Variants in KIF17 observed in about 807,000 individuals in gnomAD.
The protein encoded by KIF17 is kinesin family member 17.
KIF17 carries 80 observed loss-of-function variants against 96.8 expected under a neutral mutation model. The observed-to-expected ratio is 0.83, with a 90% CI of 0.69 to 1.00. KIF17 has a LOEUF of 1.00. Among genes scored for constraint, KIF17 ranks in the 50% least tolerant of loss-of-function variants. The pLI is 0.00. For missense variants in KIF17, 1,280 were observed against 1,372.9 expected, an observed-to-expected ratio of 0.93 and a Z score of 1.07; for synonymous variants, 567 against 587.5, an observed-to-expected ratio of 0.97 and a Z score of 0.51.
chr1:20,713,586 C>A (rs10799661), intron 2 of KIF17, 31 bp from the exon 3 acceptor site: 1,105,740 of 1,546,390 alleles, frequency 0.72, 396,847 homozygotes, highest in East Asian at 0.87. Context: ...GAACCTAGAC[C>A]TCAGAGCTCG....
At chr1:20,707,292 A>C (rs112493862) in intron 4 of KIF17, among the ~76,000 whole-genome samples, 12 of 152,320 alleles carry the variant, frequency 7.9e-5, no homozygotes, top group Non-Finnish European at 1.5e-4. Context: ...CAGCACTGGG[A>C]AACTGGAAAC....
chr1:20,662,085 T>C (rs150052616), downstream of KIF17, among the ~76,000 whole-genome samples: 28 of 152,330 alleles, frequency 1.8e-4, 1 homozygote, highest in South Asian at 1.4e-3. Flanking sequence ...TGGCTGTAAA[T>C]AGGACTAAGG....
Position 20,687,971 on chromosome 1 carries a change from T to TA in KIF17, c.1382-28_1382-27insT, listed in dbSNP as rs760973084. The TA allele has an allele frequency of 1.6e-5, 25 of 1,603,104 alleles. No individual in the cohort carries two copies. In the African/African-American group the frequency reaches 3.3e-4, roughly 21 times the overall value. On this transcript the variant is annotated intron_variant, in intron 7 of 14. Transcript: ENST00000400463. The surrounding 1 kb of genome is among the most constrained non-coding windows in gnomAD (Gnocchi z 4.4). ...TGCAAAATGGAGAACTTCCTTCAGG[T>TA]TTTTAAAGGGTCAGAATGAGAGACC...
intron 2 of KIF17, among the ~76,000 whole-genome samples, chr1:20,714,310 G>C (rs2054538315): frequency 1.3e-5 from 2 of 151,778 alleles, no homozygotes; most frequent in African/African-American, 2.4e-5. Flanking sequence ...CTGGACAACA[G>C]AGCGAGACTC....
intron 6 of KIF17, among the ~76,000 whole-genome samples, chr1:20,697,923 C>T (rs927156781): frequency 5.9e-5 from 9 of 152,190 alleles, no homozygotes; most frequent in East Asian, 3.9e-4. Flanking sequence ...CACACTCACC[C>T]GCTGGTCAAA....
intron 11 of KIF17, among the ~76,000 whole-genome samples, chr1:20,681,197 G>GTT (rs1345061455): frequency 6.7e-6 from 1 of 150,068 alleles, no homozygotes; most frequent in Non-Finnish European, 1.5e-5. Context: ...GTTTTGTTTT[G>GTT]TTTTGTTTTT....
Position 20,717,572 on chromosome 1 carries a change from G to A in KIF17, c.135C>T (p.Ala45=). The change falls in exon 1 of 15, where the codon GCC becomes GCT. Residue 45 remains alanine (A), a synonymous_variant. Coordinates refer to ENST00000400463, the MANE Select transcript of KIF17 (RefSeq NM_001122819.3). ...AQCCIQNPGA[A]DEPPKQFTFD... is the part of the protein sequence containing the mutation. ...AGGTGAACTGCTTGGGCGGCTCGTC[G>A]GCGGCGCCCGGGTTCTGGATGCAGC... 5 of 1,611,716 alleles carry A rather than the reference G, an allele frequency of 3.1e-6. No homozygotes were observed. Among genetic ancestry groups the A allele is most frequent in the Non-Finnish European group, 4.2e-6 (5 of 1,179,628 alleles).
chr1:20,707,172 C>T (rs1013225661), intron 4 of KIF17, among the ~76,000 whole-genome samples: 2 of 152,150 alleles, frequency 1.3e-5, no homozygotes, highest in Admixed American at 6.6e-5. Flanking sequence ...GCCTTAACCA[C>T]GTTTGTTATC....
At chr1:20,689,003 G>GT (rs1217134851) in intron 7 of KIF17, among the ~76,000 whole-genome samples, 1 of 152,184 alleles carries the variant, frequency 6.6e-6, no homozygotes, top group Non-Finnish European at 1.5e-5. Flanking sequence ...CCAGACTCCT[G>GT]TAAGAGGGTC....
intron 4 of KIF17, among the ~76,000 whole-genome samples, chr1:20,705,280 C>T (rs1242296494): frequency 1.3e-5 from 2 of 152,192 alleles, no homozygotes; most frequent in Non-Finnish European, 2.9e-5. Flanking sequence ...TGGGCTGGAT[C>T]ACCAGGGAGT....
chr1:20,669,277 C>T (rs527960698), intron 13 of KIF17, among the ~76,000 whole-genome samples: 1 of 151,994 alleles, frequency 6.6e-6, no homozygotes, highest in African/African-American at 2.4e-5. Context: ...GTGGCTCACG[C>T]CTATAATCCC....
chr1:20,670,578 C>G lies in KIF17; in HGVS notation c.2723-90G>C, dbSNP rs2053630937. ...GTGGAGGTGGGGGTCAGGCCTGGCT[C>G]AGGCTTAAACAGGGGAGGACACTTC... On this transcript the variant is annotated intron_variant, in intron 12 of 14. Transcript: ENST00000400463. 20 of 1,182,672 alleles carry G rather than the reference C, an allele frequency of 1.7e-5. No individual in the cohort carries two copies. The Admixed American group carries it at 3.4e-4, about 20-fold the overall frequency. The allele number at this position is 1,182,672 out of a possible 1,614,324, so 73.3% of individuals were successfully genotyped here.
Position 20,687,881 on chromosome 1 carries a change from C to T in KIF17, c.1445G>A (p.Ser482Asn), listed in dbSNP as rs147249030. 1.2e-6 allele frequency: 2 copies of T among 1,613,852 alleles called. No individual in the cohort carries two copies. The highest frequency in any genetic ancestry group is 1.3e-5 in the African/African-American group (1 of 74,926). Residue 482 changes from serine (S) to asparagine (N), a missense_variant, in exon 8 of 15, where the codon AGC (serine) becomes AAC (asparagine). Ser to Asn is a conservative substitution (Grantham distance 46, BLOSUM62 1). Transcript: ENST00000400463. The surrounding 1 kb of genome is among the most constrained non-coding windows in gnomAD (Gnocchi z 4.4). ...AAAAGCAGGCGGGTACTCAGCGCTG[C>T]TGGCAAACTCAGCCCTGGACATGAC... ...AEVMSRAEFA[S>N]SAEYPPAFQY...
At chr1:20,710,374 C>G (rs1444972646) in intron 3 of KIF17, among the ~76,000 whole-genome samples, 1 of 152,182 alleles carries the variant, frequency 6.6e-6, no homozygotes, top group Non-Finnish European at 1.5e-5. Context: ...TCCCCAAACC[C>G]TCAGATCACA....
intron 6 of KIF17, 83 bp from the exon 7 acceptor site, chr1:20,690,418 T>C (rs529185697): frequency 1.5e-6 from 2 of 1,334,738 alleles, no homozygotes; most frequent in Non-Finnish European, 2.1e-6. Flanking sequence ...TTTTTGGTTA[T>C]TCAAACAATA....
At position 20,666,322 on chromosome 1, in the gene KIF17, G is replaced by A; in HGVS notation, c.2800C>T (p.Arg934Cys). The stretch of plus-strand genomic sequence containing the variant: ...CTCCGACTGAGCATGAGCCTGTAGC[G>A]GTCGTCCTCCTGCCGAGATGCAGAT... ...DNGEPNMEDD[R>C]YRLMLSRSNS... is the part of the protein sequence containing the mutation. The change falls in exon 14 of 15, where the codon CGC becomes TGC. Residue 934 changes from arginine (R) to cysteine (C), a missense_variant. By Grantham distance (180) the Arg-to-Cys change is radical. Coordinates refer to ENST00000400463, the MANE Select transcript of KIF17 (RefSeq NM_001122819.3). 1 of 1,613,166 alleles carries A rather than the reference G, an allele frequency of 6.2e-7. No homozygotes were observed. Among genetic ancestry groups the A allele is most frequent in the Non-Finnish European group, 8.5e-7 (1 of 1,179,064 alleles).
At position 20,704,295 on chromosome 1, in the gene KIF17, CAACCAGGGCCCT is replaced by C; in HGVS notation, c.1123+140_1123+151del. The C allele has an allele frequency of 1.9e-5, 13 of 670,608 alleles. 1 individual carries two copies. Among genetic ancestry groups the C allele is most frequent in the South Asian group, 3.2e-5 (2 of 63,112 alleles). 41.5% of individuals were successfully genotyped at this position (670,608 alleles called of 1,614,324 possible). A position where few individuals can be genotyped will look rare whatever the true frequency, so the allele number is the denominator to read the frequency against. The stretch of plus-strand genomic sequence containing the variant: ...AAGCAGATACCATCTGGGCCGTCTC[CAACCAGGGCCCT>C]GCGCTCACATGGGGCTGAGGGGTGG... On this transcript the variant is annotated intron_variant, in intron 5 of 14. Transcript: ENST00000400463. The surrounding 1 kb of genome is among the most constrained non-coding windows in gnomAD (Gnocchi z 6.8).
chr1:20,677,932 A>G (rs1290660793), intron 11 of KIF17, among the ~76,000 whole-genome samples: 1 of 152,252 alleles, frequency 6.6e-6, no homozygotes, highest in Non-Finnish European at 1.5e-5. Flanking sequence ...GTGTGAGAAA[A>G]GCTAGGTAGA....
chr1:20,665,545 A>C (rs1016919862), intron 14 of KIF17, among the ~76,000 whole-genome samples: 1 of 151,714 alleles, frequency 6.6e-6, no homozygotes, highest in Non-Finnish European at 1.5e-5. Context: ...GATTACAGGC[A>C]CACGCCACTA....
Sources: gnomAD v4.1 joint callset for allele counts (sites outside exome capture counted in the v4.1 genomes callset) on GRCh38, gnomAD v4.1.1 for gene constraint, Gnocchi (gnomAD v3.1) non-coding constraint, MANE v1.5 for transcripts, NCBI Gene and HGNC (gene_info 2026-07-23, HGNC 2026-07-21) for gene names.